Variants in CFTR observed in about 807,000 individuals in gnomAD.
The protein encoded by CFTR is CF transmembrane conductance regulator.
In CFTR, 181 loss-of-function variants were observed where a neutral mutation model predicts 171.6. The ratio of observed to expected loss-of-function variants is 1.05; its 90% confidence interval spans 0.93 to 1.19. The LOEUF is 1.19. CFTR is among the 50% of genes most tolerant of loss of function. The probability of loss-of-function intolerance (pLI) is 0.00; values close to 1 mark genes in which losing one functional copy is unlikely to be tolerated. For missense variants in CFTR, 1,968 were observed against 1,734.7 expected, an observed-to-expected ratio of 1.13 and a Z score of -2.39; for synonymous variants, 583 against 608.0, an observed-to-expected ratio of 0.96 and a Z score of 0.60.
Position 117,603,577 on chromosome 7 carries a change from C to T in CFTR, c.2703C>T (p.Asn901=), listed in dbSNP as rs764201518. The T allele has an allele frequency of 1.3e-5, 21 of 1,613,862 alleles. No homozygotes were observed. In the South Asian group the frequency reaches 2.0e-4, roughly 15 times the overall value. ...DKGNSTHSRN[N]SYAVIITSTS... The stretch of plus-strand genomic sequence containing the variant: ...GGAATAGTACTCATAGTAGAAATAA[C>T]AGCTATGCAGTGATTATCACCAGCA... Residue 901 remains asparagine, a synonymous_variant, in exon 17 of 27, where the codon AAC becomes AAT. Transcript: ENST00000003084.
chr7:117,627,786 T>G lies in CFTR; in HGVS notation c.3717+16T>G, dbSNP rs749483814. The G allele has an allele frequency of 1.9e-6, 3 of 1,607,640 alleles. No homozygotes were observed. In the East Asian group the frequency reaches 6.7e-5, roughly 36 times the overall value. ...TGGCCAGAGGGTGAGATTTGAACACTGCTTGCTTTGTTAGACTGTGTTCAG... is the reference window on the plus strand; with the variant it reads ...TGGCCAGAGGGTGAGATTTGAACACGGCTTGCTTTGTTAGACTGTGTTCAG... On this transcript the variant is annotated intron_variant, in intron 22 of 26. Coordinates refer to ENST00000003084, the MANE Select transcript of CFTR (RefSeq NM_000492.4).
chr7:117,618,957 G>A (rs213985), intron 21 of CFTR, among the ~76,000 whole-genome samples: 71,546 of 152,064 alleles, frequency 0.47, 19,918 homozygotes, highest in African/African-American at 0.79. Context: ...ATGTTTTAAA[G>A]ATTGTTTATT....
chr7:117,667,263 G>A lies in CFTR; in HGVS notation c.*155G>A, dbSNP rs574052503. The A allele has an allele frequency of 1.4e-6, 1 of 725,176 alleles. No individual in the cohort carries two copies. The highest frequency in any genetic ancestry group is 1.5e-5 in the South Asian group (1 of 65,530). The allele number at this position is 725,176 out of a possible 1,614,324, so 44.9% of individuals were successfully genotyped here. A position where few individuals can be genotyped will look rare whatever the true frequency, so the allele number is the denominator to read the frequency against. On this transcript the variant is annotated 3_prime_UTR_variant, in exon 27 of 27. Coordinates refer to ENST00000003084, the MANE Select transcript of CFTR (RefSeq NM_000492.4). ...TTTTAAAAAAGAAACATTTGGTAAG[G>A]GGAATTGAGGACACTGATATGGGTC... is the stretch of plus-strand genomic sequence containing the variant.
At chr7:117,586,018 G>A (rs889422119) in intron 11 of CFTR, among the ~76,000 whole-genome samples, 1 of 152,136 alleles carries the variant, frequency 6.6e-6, no homozygotes, top group Non-Finnish European at 1.5e-5. Flanking sequence ...ATACACACAC[G>A]AGCTGTTTTG....
At chr7:117,562,501 C>G (rs1421348323) in intron 11 of CFTR, among the ~76,000 whole-genome samples, 2 of 152,166 alleles carry the variant, frequency 1.3e-5, no homozygotes, top group Non-Finnish European at 2.9e-5. Flanking sequence ...AAGGTTTGAA[C>G]TGTGGGCACA....
intron 22 of CFTR, among the ~76,000 whole-genome samples, chr7:117,633,015 A>G (rs1792772758): frequency 6.6e-6 from 1 of 152,020 alleles, no homozygotes; most frequent in African/African-American, 2.4e-5. Flanking sequence ...GCCTCTCTTT[A>G]TGTACTTAAG....
chr7:117,519,096 C>T (rs1377616962), intron 3 of CFTR, among the ~76,000 whole-genome samples: 4 of 151,820 alleles, frequency 2.6e-5, no homozygotes, highest in African/African-American at 9.7e-5. Context: ...AAGGAAAATA[C>T]CAAAACTAAA....
At chr7:117,598,167 G>C (rs922008469) in intron 15 of CFTR, among the ~76,000 whole-genome samples, 1 of 152,122 alleles carries the variant, frequency 6.6e-6, no homozygotes, top group Admixed American at 6.5e-5. Context: ...TTTAAAATAC[G>C]GGTAGTTGAT....
chr7:117,603,901 C>G (rs1792266348), intron 17 of CFTR, 119 bp downstream of exon 17: 1 of 1,054,912 alleles, frequency 9.5e-7, no homozygotes, highest in South Asian at 1.3e-5. Context: ...CTTTGTTGAA[C>G]CTCCATTTGA....
chr7:117,506,015 G>A (rs1399681550), intron 2 of CFTR, among the ~76,000 whole-genome samples: 3 of 151,944 alleles, frequency 2.0e-5, no homozygotes, highest in East Asian at 1.9e-4. Context: ...TATTGGGTTC[G>A]ATCTCTTTTG....
chr7:117,663,593 G>A (rs941205855), intron 24 of CFTR, among the ~76,000 whole-genome samples: 1 of 150,488 alleles, frequency 6.6e-6, no homozygotes, highest in Non-Finnish European at 1.5e-5. Context: ...AAAATCTCCT[G>A]GTCGTGTGAT....
intron 3 of CFTR, among the ~76,000 whole-genome samples, chr7:117,516,069 A>G (rs893462834): frequency 6.6e-6 from 1 of 152,210 alleles, no homozygotes; most frequent in African/African-American, 2.4e-5. Context: ...TAGACTGGAT[A>G]TGAGACGATG....
intron 1 of CFTR, among the ~76,000 whole-genome samples, chr7:117,488,940 T>G (rs935641653): frequency 6.6e-6 from 1 of 152,084 alleles, no homozygotes; most frequent in Admixed American, 6.6e-5. Context: ...TAAAGGTATA[T>G]ATACTCCTGT....
At chr7:117,517,929 TC>T (rs1798619830) in intron 3 of CFTR, among the ~76,000 whole-genome samples, 1 of 152,222 alleles carries the variant, frequency 6.6e-6, no homozygotes, top group Admixed American at 6.5e-5. Context: ...TTGTTTAAGT[TC>T]CTTGTAGATT....
chr7:117,621,349 T>G (rs1375420045), intron 21 of CFTR, among the ~76,000 whole-genome samples: 1 of 152,210 alleles, frequency 6.6e-6, no homozygotes, highest in Non-Finnish European at 1.5e-5. Context: ...CTATAAATGC[T>G]AAGATAGTAA....
intron 11 of CFTR, among the ~76,000 whole-genome samples, chr7:117,572,150 T>C (rs1182989495): frequency 2.6e-5 from 4 of 152,038 alleles, no homozygotes; most frequent in Non-Finnish European, 5.9e-5. Flanking sequence ...TACAGGCACC[T>C]GCCACCAGGT....
At chr7:117,595,517 A>G (rs1479752172) in intron 15 of CFTR, among the ~76,000 whole-genome samples, 1 of 151,174 alleles carries the variant, frequency 6.6e-6, no homozygotes, top group Non-Finnish European at 1.5e-5. Context: ...AAATATAAAG[A>G]TAAGAGTTTT....
At chr7:117,505,484 G>A (rs1184558353) in intron 2 of CFTR, among the ~76,000 whole-genome samples, 2 of 152,152 alleles carry the variant, frequency 1.3e-5, no homozygotes, top group South Asian at 4.1e-4. Flanking sequence ...CCTTATGCTG[G>A]TTTTATTTTC....
At chr7:117,593,660 A>C (rs1792073469) in intron 14 of CFTR, among the ~76,000 whole-genome samples, 2 of 152,080 alleles carry the variant, frequency 1.3e-5, no homozygotes, top group Admixed American at 1.3e-4. Flanking sequence ...CAATGGTGCA[A>C]CCTCGGCTCA....
Sources: gnomAD v4.1 joint callset for allele counts (sites outside exome capture counted in the v4.1 genomes callset) on GRCh38, gnomAD v4.1.1 for gene constraint, MANE v1.5 for transcripts, NCBI Gene and HGNC (gene_info 2026-07-23, HGNC 2026-07-21) for gene names.